Variants in TNIK observed in about 807,000 individuals in gnomAD.
TNIK encodes TRAF2 and NCK-interacting protein kinase.
TNIK carries 49 observed loss-of-function variants against 191.3 expected under a neutral mutation model. The ratio of observed to expected loss-of-function variants is 0.26; its 90% CI spans 0.20 to 0.32. TNIK has a LOEUF of 0.32. Among genes scored for constraint, TNIK ranks in the 10% least tolerant of loss-of-function variants. TNIK has a pLI of 1.00. For missense variants in TNIK, 1,155 were observed against 1,702.3 expected (o/e 0.68, Z 5.66); for synonymous variants, 594 against 600.9 (o/e 0.99, Z 0.17).
At chr3:171,314,464 C>T (rs749913532) in intron 2 of TNIK, among the ~76,000 whole-genome samples, 39 of 152,274 alleles carry the variant, frequency 2.6e-4, no homozygotes, top group Middle Eastern at 3.4e-3. Context: ...ATGTTGCCAT[C>T]CCATTTCTGC....
chr3:171,352,191 CTT>C (rs1186125649), intron 2 of TNIK, among the ~76,000 whole-genome samples: 1 of 152,188 alleles, frequency 6.6e-6, no homozygotes. Flanking sequence ...CAAAATTGGG[CTT>C]CAAAGAGAAG....
intron 2 of TNIK, among the ~76,000 whole-genome samples, chr3:171,367,672 T>A (rs147887583): frequency 1.3e-5 from 2 of 152,298 alleles, no homozygotes; most frequent in Non-Finnish European, 2.9e-5. Flanking sequence ...GGTTGCATCA[T>A]GTTGGCCTGG....
chr3:171,265,043 T>C (rs1435787505), intron 2 of TNIK, among the ~76,000 whole-genome samples: 1 of 152,188 alleles, frequency 6.6e-6, no homozygotes, highest in Non-Finnish European at 1.5e-5. Flanking sequence ...TGGCATGGCA[T>C]GGCACACAAA....
intron 9 of TNIK, among the ~76,000 whole-genome samples, chr3:171,173,286 C>G (rs1444269198): frequency 6.6e-6 from 1 of 150,858 alleles, no homozygotes; most frequent in Non-Finnish European, 1.5e-5. Context: ...GTCCTAGCTA[C>G]TCAGGAGACT....
chr3:171,303,848 C>T (rs970048011), intron 2 of TNIK, among the ~76,000 whole-genome samples: 2 of 152,110 alleles, frequency 1.3e-5, no homozygotes, highest in African/African-American at 4.8e-5. Flanking sequence ...GCCTATGGTC[C>T]TATCCTCAGA....
chr3:171,210,051 A>C (rs1232095996), intron 4 of TNIK, among the ~76,000 whole-genome samples: 1 of 152,232 alleles, frequency 6.6e-6, no homozygotes. Flanking sequence ...TGTGTTAGGC[A>C]CATACAAAAC....
At chr3:171,155,444 G>A (rs1326704131) in intron 12 of TNIK, among the ~76,000 whole-genome samples, 1 of 152,268 alleles carries the variant, frequency 6.6e-6, no homozygotes, top group Non-Finnish European at 1.5e-5. Context: ...ATGCTCTGTG[G>A]CCAGAAGCAT....
At chr3:171,104,741 T>C (rs1724429169) in intron 21 of TNIK, among the ~76,000 whole-genome samples, 1 of 152,182 alleles carries the variant, frequency 6.6e-6, no homozygotes, top group African/African-American at 2.4e-5. Context: ...CTATTTTCTT[T>C]TTAGGAACTC....
At chr3:171,452,622 A>AGTG (rs1341275130) in intron 1 of TNIK, among the ~76,000 whole-genome samples, 3 of 151,996 alleles carry the variant, frequency 2.0e-5, no homozygotes, top group Admixed American at 6.6e-5. Flanking sequence ...GTTGTCTTCC[A>AGTG]GTGGGCCACC....
rs1002573942 is a variant in TNIK at position 171,159,731 on chromosome 3, G to A, written c.1016+1539C>T. Among the ~76,000 whole-genome samples the A allele has an allele frequency of 2.0e-5, 3 of 152,160 alleles. No homozygotes were observed. The highest frequency in any genetic ancestry group is 4.4e-5 in the Non-Finnish European group (3 of 68,030). ...ACCTGGGTGCAACCCTTAGGCTGTCGCCTCATTTCTAAAATGAGATAACCA... is the reference window on the plus strand; with the variant it reads ...ACCTGGGTGCAACCCTTAGGCTGTCACCTCATTTCTAAAATGAGATAACCA... On this transcript the variant is annotated intron_variant, in intron 11 of 32. Coordinates refer to ENST00000436636, the MANE Select transcript of TNIK (RefSeq NM_015028.4). The surrounding 1 kb of genome is among the most constrained non-coding windows in gnomAD (Gnocchi z 4.1).
In TNIK at chr3:171,291,574, T is replaced by C. The variant is rs192043839; in HGVS notation, c.124-63353A>G. On this transcript the variant is annotated intron_variant, in intron 2 of 32. Coordinates refer to ENST00000436636, the MANE Select transcript of TNIK (RefSeq NM_015028.4). Reference sequence around the variant, plus strand: ...ACTTTAAAGATACTGTTAAACTCTCTGCTGGCCTTCATAGCTCCAGATGCG... The same window carrying C: ...ACTTTAAAGATACTGTTAAACTCTCCGCTGGCCTTCATAGCTCCAGATGCG... Among the ~76,000 whole-genome samples the C allele has an allele frequency of 1.8e-3, 273 of 152,336 alleles. 3 individuals carry two copies. The highest frequency in any genetic ancestry group is 6.2e-3 in the African/African-American group (256 of 41,580).
At chr3:171,260,147 A>T (rs1747417002) in intron 2 of TNIK, among the ~76,000 whole-genome samples, 2 of 152,100 alleles carry the variant, frequency 1.3e-5, no homozygotes, top group South Asian at 2.1e-4. Flanking sequence ...GCTTGTTTTC[A>T]GCAAGAGTCC....
chr3:171,314,584 C>G (rs1269880688), intron 2 of TNIK, among the ~76,000 whole-genome samples: 1 of 152,136 alleles, frequency 6.6e-6, no homozygotes, highest in Non-Finnish European at 1.5e-5. Flanking sequence ...TAAGTCAGTT[C>G]TAGTAATTTC....
chr3:171,410,778 CAAAAAAAAAAAA>C (rs55965220), intron 1 of TNIK, among the ~76,000 whole-genome samples: 16 of 73,914 alleles, frequency 2.2e-4, no homozygotes, highest in African/African-American at 7.0e-4. Flanking sequence ...GACTCCATCT[CAAAAAAAAAAAA>C]AAAAAAAAAA....
At chr3:171,295,416 C>T (rs1473965651) in intron 2 of TNIK, among the ~76,000 whole-genome samples, 1 of 152,152 alleles carries the variant, frequency 6.6e-6, no homozygotes, top group Non-Finnish European at 1.5e-5. Flanking sequence ...ACAGGCAGTC[C>T]TCCAAAGTGT....
chr3:171,249,036 A>C (rs561108449), intron 2 of TNIK, among the ~76,000 whole-genome samples: 1 of 152,334 alleles, frequency 6.6e-6, no homozygotes, highest in African/African-American at 2.4e-5. Context: ...TAACGGTTTT[A>C]TTTTCAGAAC....
intron 1 of TNIK, among the ~76,000 whole-genome samples, chr3:171,389,598 G>C (rs555070421): frequency 6.6e-6 from 1 of 152,232 alleles, no homozygotes; most frequent in South Asian, 2.1e-4. Flanking sequence ...CCATCATTAG[G>C]GGATCTATGA....
At chr3:171,296,092 C>A (rs559545634) in intron 2 of TNIK, among the ~76,000 whole-genome samples, 1 of 152,206 alleles carries the variant, frequency 6.6e-6, no homozygotes, top group African/African-American at 2.4e-5. Flanking sequence ...TAGTTACTCC[C>A]AAAATGCTAT....
chr3:171,200,552 G>T (rs924578815), intron 4 of TNIK, among the ~76,000 whole-genome samples: 1 of 151,942 alleles, frequency 6.6e-6, no homozygotes, highest in Non-Finnish European at 1.5e-5. Context: ...TACTTAGTAT[G>T]CCTTCCTGTG....
Sources: allele counts gnomAD v4.1 joint callset (sites outside exome capture counted in the v4.1 genomes callset), GRCh38; gene constraint gnomAD v4.1.1; non-coding constraint Gnocchi (gnomAD v3.1); transcripts MANE v1.5; gene names NCBI Gene and HGNC (gene_info 2026-07-23, HGNC 2026-07-21).